Variants in CD38 observed in about 807,000 individuals in gnomAD.
CD38 encodes CD38 molecule.
CD38 carries 31 observed loss-of-function variants against 36.3 expected under a neutral mutation model. The ratio of observed to expected loss-of-function variants is 0.85; its 90% CI spans 0.64 to 1.15. The LOEUF is 1.15. Ranked by LOEUF, CD38 falls within the 50% of genes most tolerant of loss-of-function variation. CD38 has a pLI of 0.00. For missense variants in CD38, 380 were observed against 371.9 expected (o/e 1.02, Z -0.18); for synonymous variants, 131 against 135.2 (o/e 0.97, Z 0.22).
At chr4:15,796,666 C>A (rs767062402) in intron 1 of CD38, among the ~76,000 whole-genome samples, 3 of 152,048 alleles carry the variant, frequency 2.0e-5, no homozygotes, top group Non-Finnish European at 4.4e-5. Flanking sequence ...GTCTCAGAGG[C>A]AAATACTGCT....
At chr4:15,840,877 G>A (rs901474645) in intron 7 of CD38, among the ~76,000 whole-genome samples, 2 of 152,050 alleles carry the variant, frequency 1.3e-5, no homozygotes, top group African/African-American at 4.8e-5. Context: ...AGGTTTCAGG[G>A]GAGCAAGGGA....
rs543022864 is a variant in CD38, at chr4:15,787,124, G to C, written c.233+8477G>C. Among the ~76,000 whole-genome samples the C allele has an allele frequency of 9.2e-5, 14 of 152,356 alleles. No individual in the cohort carries two copies. The East Asian group carries it at 2.1e-3, about 23-fold the overall frequency. On this transcript the variant is annotated intron_variant, in intron 1 of 7. Coordinates refer to ENST00000226279, the MANE Select transcript of CD38 (RefSeq NM_001775.4). ...CGCTCAAGCAGAGGGAGCCGACTCC[G>C]GCCTGGGCCAGCCCAGAGAGGGTCT...
At chr4:15,784,535 C>A (rs2148913348) in intron 1 of CD38, among the ~76,000 whole-genome samples, 1 of 152,268 alleles carries the variant, frequency 6.6e-6, no homozygotes, top group Admixed American at 6.5e-5. Flanking sequence ...GCTGGACCTT[C>A]TCAGCACACA....
chr4:15,789,962 G>A (rs1367626766), intron 1 of CD38, among the ~76,000 whole-genome samples: 1 of 152,138 alleles, frequency 6.6e-6, no homozygotes, highest in East Asian at 1.9e-4. Context: ...AACAGAAAAT[G>A]ACTAAAACAG....
intron 1 of CD38, among the ~76,000 whole-genome samples, chr4:15,793,194 A>G (rs1175665398): frequency 6.6e-6 from 1 of 151,904 alleles, no homozygotes; most frequent in Middle Eastern, 3.4e-3. Flanking sequence ...TTCCAAATTT[A>G]TATCTCCAAC....
At chr4:15,847,611 A>AT (rs1724290235) in intron 7 of CD38, among the ~76,000 whole-genome samples, 1 of 121,612 alleles carries the variant, frequency 8.2e-6, no homozygotes, top group Non-Finnish European at 1.7e-5. Context: ...AAAAAAAAAA[A>AT]AAAAAAAAAA....
intron 1 of CD38, among the ~76,000 whole-genome samples, chr4:15,786,844 C>T (rs931290485): frequency 2.2e-4 from 34 of 152,202 alleles, no homozygotes; most frequent in Non-Finnish European, 1.0e-4. Context: ...GGGGGAGGCT[C>T]AGGCATGGTG....
At chr4:15,807,899 T>C (rs1179177508) in intron 1 of CD38, among the ~76,000 whole-genome samples, 1 of 152,224 alleles carries the variant, frequency 6.6e-6, no homozygotes, top group East Asian at 1.9e-4. Context: ...CAATTCTCTA[T>C]GGAATAAATT....
Position 15,850,917 on chromosome 4 carries a change from C to G in CD38, c.*2315C>G, listed in dbSNP as rs1724369060. ...TCCACTTTGGTTGCTGCTTTCGGGA[C>G]TCATCGAGTCCTTGCTCAACAGGAT... On this transcript the variant is annotated 3_prime_UTR_variant, in exon 8 of 8. Coordinates refer to ENST00000226279, the MANE Select transcript of CD38 (RefSeq NM_001775.4). The G allele has an allele frequency of 6.6e-6, 1 of 152,238 alleles. No individual in the cohort carries two copies. Among genetic ancestry groups the G allele is most frequent in the Admixed American group, 6.5e-5 (1 of 15,282 alleles). The allele number at this position is 152,238 out of a possible 1,614,324, so 9.4% of individuals were successfully genotyped here.
chr4:15,798,847 A>G (rs1328472126), intron 1 of CD38, among the ~76,000 whole-genome samples: 1 of 152,012 alleles, frequency 6.6e-6, no homozygotes, highest in Non-Finnish European at 1.5e-5. Context: ...TTTGTCATTC[A>G]GGTTTCTTCT....
chr4:15,789,821 G>A (rs189510850), intron 1 of CD38, among the ~76,000 whole-genome samples: 6 of 152,226 alleles, frequency 3.9e-5, no homozygotes, highest in East Asian at 3.9e-4. Context: ...AGGACTCTGC[G>A]GAGTTCTGGT....
In CD38 at chr4:15,851,838, T is replaced by TAC. The variant is rs1405057932; in HGVS notation, c.*3241_*3242dup. 1 of 152,246 alleles carries TAC rather than the reference T, an allele frequency of 6.6e-6. No homozygotes were observed. The highest frequency in any genetic ancestry group is 1.5e-5 in the Non-Finnish European group (1 of 68,046). 9.4% of individuals were successfully genotyped at this position (152,246 alleles called of 1,614,324 possible). A position where few individuals can be genotyped will look rare whatever the true frequency, so the allele number is the denominator to read the frequency against. On this transcript the variant is annotated 3_prime_UTR_variant, in exon 8 of 8. Coordinates refer to ENST00000226279, the MANE Select transcript of CD38 (RefSeq NM_001775.4). The stretch of plus-strand genomic sequence containing the variant: ...CACTAACCTAGATGGTCTAACCTAC[T>TAC]ACACACCCAGGCTACATGGTATCAC...
At chr4:15,788,062 C>T (rs543546550) in intron 1 of CD38, among the ~76,000 whole-genome samples, 10 of 152,316 alleles carry the variant, frequency 6.6e-5, no homozygotes, top group African/African-American at 2.4e-4. Flanking sequence ...AGCCTTCTGA[C>T]CTTTCAAAAG....
In CD38 at chr4:15,835,338, C is replaced by T. The variant is rs1372879488; in HGVS notation, c.585+1036C>T. 3.4e-5 allele frequency among the ~76,000 whole-genome samples: 5 copies of T among 147,910 alleles called. No homozygotes were observed. The East Asian group carries it at 1.0e-3, about 30-fold the overall frequency. ...TAACATAATGCCCTCCAGTTCCTTC[C>T]ATGTTGCTGCAAATGACAGGAATAC... On this transcript the variant is annotated intron_variant, in intron 4 of 7. Coordinates refer to ENST00000226279, the MANE Select transcript of CD38 (RefSeq NM_001775.4).
intron 4 of CD38, among the ~76,000 whole-genome samples, chr4:15,834,894 A>AT (rs67569022): frequency 4.7e-4 from 63 of 135,108 alleles, no homozygotes; most frequent in African/African-American, 7.2e-4. Context: ...CCCTCTACCT[A>AT]TTTTTTTTAA....
chr4:15,808,887 C>T (rs1723402698), intron 1 of CD38, among the ~76,000 whole-genome samples: 1 of 152,138 alleles, frequency 6.6e-6, no homozygotes, highest in South Asian at 2.1e-4. Context: ...AGGGGGCTCG[C>T]CCTCTGTTCT....
At chr4:15,841,109 A>G (rs1724195933) in intron 7 of CD38, among the ~76,000 whole-genome samples, 1 of 152,186 alleles carries the variant, frequency 6.6e-6, no homozygotes, top group Admixed American at 6.5e-5. Flanking sequence ...AAAATTACAG[A>G]TAGATATATA....
chr4:15,832,415 T>C (rs537893361), intron 3 of CD38, among the ~76,000 whole-genome samples: 34 of 152,314 alleles, frequency 2.2e-4, no homozygotes, highest in African/African-American at 8.2e-4. Context: ...GCTTTCCAGA[T>C]ATTTTGAAGG....
chr4:15,823,944 C>T (rs1035944862), intron 2 of CD38, among the ~76,000 whole-genome samples: 8 of 152,080 alleles, frequency 5.3e-5, no homozygotes, highest in Non-Finnish European at 1.0e-4. Flanking sequence ...AAATGTGGTA[C>T]GTATACACCA....
Sources: gnomAD v4.1 joint callset for allele counts (sites outside exome capture counted in the v4.1 genomes callset) on GRCh38, gnomAD v4.1.1 for gene constraint, MANE v1.5 for transcripts, NCBI Gene and HGNC (gene_info 2026-07-23, HGNC 2026-07-21) for gene names.